The following CHSY3 variants were observed in gnomAD, a reference collection of about 807,000 sequenced individuals.
CHSY3 encodes N-acetylgalactosaminyl-proteoglycan 3-beta-glucuronosyltransferase 3.
A neutral mutation model predicts 67.2 loss-of-function variants in CHSY3; 35 were observed. That is an observed-to-expected ratio of 0.52 (90% CI 0.40 to 0.69). The LOEUF (loss-of-function observed/expected upper bound fraction) is 0.69, where lower values mean the gene tolerates loss of function less well. Ranked by LOEUF, CHSY3 falls within the 30% of genes least tolerant of loss-of-function variation. The probability of loss-of-function intolerance (pLI) is 0.00; values close to 1 mark genes in which losing one functional copy is unlikely to be tolerated. For missense variants in CHSY3, 1,069 were observed against 1,138.5 expected (o/e 0.94, Z 0.88); for synonymous variants, 474 against 434.7 (o/e 1.09, Z -1.12).
intron 2 of CHSY3, among the ~76,000 whole-genome samples, chr5:130,129,584 A>T (rs1490326698): frequency 6.6e-6 from 1 of 152,176 alleles, no homozygotes; most frequent in Non-Finnish European, 1.5e-5. Flanking sequence ...TTAGGCCTTT[A>T]TCCTACTTTA....
At chr5:130,053,667 A>G (rs977886616) in intron 2 of CHSY3, among the ~76,000 whole-genome samples, 5 of 152,140 alleles carry the variant, frequency 3.3e-5, no homozygotes, top group African/African-American at 1.2e-4. Flanking sequence ...TCTATTCTTT[A>G]TAGCAGGGGA....
At chr5:130,012,757 G>T (rs1764104508) in intron 2 of CHSY3, among the ~76,000 whole-genome samples, 1 of 152,020 alleles carries the variant, frequency 6.6e-6, no homozygotes, top group Non-Finnish European at 1.5e-5. Flanking sequence ...GATGAGATTT[G>T]GGTGGGGGCA....
intron 2 of CHSY3, among the ~76,000 whole-genome samples, chr5:130,047,757 T>C (rs1428763363): frequency 6.6e-6 from 1 of 152,074 alleles, no homozygotes; most frequent in Admixed American, 6.6e-5. Context: ...GATCAATATA[T>C]TTTAATCACT....
At chr5:130,156,128 A>G (rs902243322) in intron 2 of CHSY3, among the ~76,000 whole-genome samples, 1 of 152,190 alleles carries the variant, frequency 6.6e-6, no homozygotes, top group Non-Finnish European at 1.5e-5. Flanking sequence ...TCCCCTGAGC[A>G]ATTTAGTTAC....
chr5:130,125,196 A>G (rs902955409), intron 2 of CHSY3, among the ~76,000 whole-genome samples: 2 of 152,212 alleles, frequency 1.3e-5, no homozygotes, highest in African/African-American at 2.4e-5. Flanking sequence ...TCCTGCAACC[A>G]TGGCTCACAT....
At chr5:129,966,867 C>G (rs1362835734) in intron 2 of CHSY3, among the ~76,000 whole-genome samples, 1 of 151,756 alleles carries the variant, frequency 6.6e-6, no homozygotes, top group Non-Finnish European at 1.5e-5. Context: ...TATTTTCTTT[C>G]TTGATGATCA....
At chr5:130,164,979 A>G (rs1769698009) in intron 2 of CHSY3, among the ~76,000 whole-genome samples, 1 of 152,172 alleles carries the variant, frequency 6.6e-6, no homozygotes, top group African/African-American at 2.4e-5. Flanking sequence ...ATGCAAAGGC[A>G]CTAGGAGAGA....
At chr5:129,965,269 G>A (rs1762439123) in intron 2 of CHSY3, among the ~76,000 whole-genome samples, 1 of 151,942 alleles carries the variant, frequency 6.6e-6, no homozygotes, top group South Asian at 2.1e-4. Context: ...CTTTAGAACT[G>A]AGATTTGTCA....
chr5:129,998,029 A>G (rs1763597430), intron 2 of CHSY3, among the ~76,000 whole-genome samples: 1 of 152,130 alleles, frequency 6.6e-6, no homozygotes, highest in Admixed American at 6.6e-5. Context: ...ATACCCAGTA[A>G]TGCGATTGCT....
intron 2 of CHSY3, among the ~76,000 whole-genome samples, chr5:129,999,626 A>T (rs762481562): frequency 1.3e-5 from 2 of 151,966 alleles, no homozygotes; most frequent in Non-Finnish European, 2.9e-5. Flanking sequence ...ATTTTGTCCT[A>T]TTCTCTTCCT....
intron 2 of CHSY3, among the ~76,000 whole-genome samples, chr5:130,154,848 G>A (rs1294200201): frequency 6.6e-6 from 1 of 152,138 alleles, no homozygotes; most frequent in Non-Finnish European, 1.5e-5. Flanking sequence ...GGAAGGTAGA[G>A]TGTTAGATAG....
At chr5:130,027,219 A>T (rs1228355197) in intron 2 of CHSY3, among the ~76,000 whole-genome samples, 3 of 152,120 alleles carry the variant, frequency 2.0e-5, no homozygotes, top group Non-Finnish European at 4.4e-5. Flanking sequence ...GAGTCTAATA[A>T]ATCTACAGCA....
intron 2 of CHSY3, among the ~76,000 whole-genome samples, chr5:130,017,077 A>C (rs1455700442): frequency 1.4e-4 from 21 of 152,332 alleles, no homozygotes; most frequent in Admixed American, 1.4e-3. Context: ...GTGGGAATTG[A>C]AAGACACTGA....
intron 2 of CHSY3, among the ~76,000 whole-genome samples, chr5:130,006,670 A>G (rs1194336902): frequency 6.6e-6 from 1 of 152,224 alleles, no homozygotes; most frequent in South Asian, 2.1e-4. Context: ...TTTGTGAAAT[A>G]ATATGATATT....
rs147306783 is a variant in CHSY3 at position 129,911,253 on chromosome 5, C to G, written c.1086+2893C>G. 1.9e-3 allele frequency among the ~76,000 whole-genome samples: 282 copies of G among 151,968 alleles called. 1 individual carries two copies. Among genetic ancestry groups the G allele is most frequent in the African/African-American group, 6.5e-3 (270 of 41,486 alleles). On this transcript the variant is annotated intron_variant, in intron 2 of 2. Coordinates refer to ENST00000305031, the MANE Select transcript of CHSY3 (RefSeq NM_175856.5). ...AAGCTTCTAGTATTCTTCTTAACTG[C>G]TAAACTGAAATTACTTTCTCTGTGT... is the stretch of plus-strand genomic sequence containing the variant.
At chr5:130,067,511 T>C (rs900728555) in intron 2 of CHSY3, among the ~76,000 whole-genome samples, 3 of 152,118 alleles carry the variant, frequency 2.0e-5, no homozygotes, top group African/African-American at 4.8e-5. Flanking sequence ...AGTATTTATA[T>C]AAAACAGACT....
intron 2 of CHSY3, among the ~76,000 whole-genome samples, chr5:130,139,495 A>C (rs1768787433): frequency 6.6e-6 from 1 of 152,234 alleles, no homozygotes; most frequent in Admixed American, 6.5e-5. Context: ...GGAGAGCAAC[A>C]CTTTGTTAGA....
chr5:130,156,455 G>A (rs931291961), intron 2 of CHSY3, among the ~76,000 whole-genome samples: 2 of 152,060 alleles, frequency 1.3e-5, no homozygotes, highest in African/African-American at 2.4e-5. Context: ...GCATTTCTTC[G>A]CAGCATACCT....
intron 2 of CHSY3, among the ~76,000 whole-genome samples, chr5:130,046,159 C>T (rs562644553): frequency 6.6e-6 from 1 of 152,070 alleles, no homozygotes; most frequent in Non-Finnish European, 1.5e-5. Flanking sequence ...TATCACATTA[C>T]ATTTAAGTCA....
Sources: gnomAD v4.1 joint callset for allele counts (sites outside exome capture counted in the v4.1 genomes callset) on GRCh38, gnomAD v4.1.1 for gene constraint, MANE v1.5 for transcripts, NCBI Gene and HGNC (gene_info 2026-07-23, HGNC 2026-07-21) for gene names.